DCLK3: variants seen among roughly 807,000 people sequenced by gnomAD.
The protein encoded by DCLK3 is doublecortin like kinase 3.
Under a neutral mutation model 46.4 loss-of-function variants are expected in DCLK3, and 30 were observed. The ratio of observed to expected loss-of-function variants is 0.65; its 90% CI spans 0.48 to 0.88. The LOEUF (loss-of-function observed/expected upper bound fraction) is 0.88. DCLK3 is among the 40% of genes least tolerant of loss of function. The probability of loss-of-function intolerance (pLI) is 0.00; values close to 1 mark genes in which losing one functional copy is unlikely to be tolerated. For synonymous variants in DCLK3, 401 were observed against 339.2 expected (o/e 1.18, Z -2.00); for missense variants, 846 against 907.1 (o/e 0.93, Z 0.87).
At chr3:36,756,820 A>G (rs1286728327) in intron 1 of DCLK3, among the ~76,000 whole-genome samples, 1 of 151,884 alleles carries the variant, frequency 6.6e-6, no homozygotes, top group African/African-American at 2.4e-5. Context: ...ACATGGTGCC[A>G]TCCTCAAGTG....
At chr3:36,750,895 A>G (rs1701434641) in intron 1 of DCLK3, among the ~76,000 whole-genome samples, 1 of 152,218 alleles carries the variant, frequency 6.6e-6, no homozygotes, top group East Asian at 1.9e-4. Flanking sequence ...AGCAGCACTC[A>G]GAGGCGTCAA....
chr3:36,734,204 C>A (rs557724974), intron 2 of DCLK3, among the ~76,000 whole-genome samples: 1 of 152,318 alleles, frequency 6.6e-6, no homozygotes, highest in Admixed American at 6.5e-5. Flanking sequence ...AGAGATAACA[C>A]CTTGCTAAAC....
intron 1 of DCLK3, among the ~76,000 whole-genome samples, chr3:36,754,025 A>G (rs557540633): frequency 6.6e-6 from 1 of 152,212 alleles, no homozygotes; most frequent in South Asian, 2.1e-4. Context: ...TCTTTCATTC[A>G]TGTTACAGAA....
intron 1 of DCLK3, among the ~76,000 whole-genome samples, chr3:36,760,265 G>A (rs1353162571): frequency 6.6e-6 from 1 of 152,216 alleles, no homozygotes; most frequent in Non-Finnish European, 1.5e-5. Context: ...ACCCAAGAGG[G>A]AGTAGCCTAG....
rs1300492320 is a variant in DCLK3 at position 36,755,921 on chromosome 3, G to A, written c.82+8261C>T. On this transcript the variant is annotated intron_variant, in intron 1 of 4. Transcript: ENST00000636136. Reference sequence around the variant, plus strand: ...CTCCAAGGTGGCCCCAGCAGCAGACGAGAAAGACAATAGTGGTATCCTGGC... The same window carrying A: ...CTCCAAGGTGGCCCCAGCAGCAGACAAGAAAGACAATAGTGGTATCCTGGC... Among the ~76,000 whole-genome samples the A allele has an allele frequency of 3.3e-5, 5 of 152,184 alleles. No homozygotes were observed. The East Asian group carries it at 5.8e-4, about 18-fold the overall frequency.
chr3:36,723,169 C>T (rs1701082916), intron 2 of DCLK3, among the ~76,000 whole-genome samples: 2 of 152,184 alleles, frequency 1.3e-5, no homozygotes, highest in African/African-American at 4.8e-5. Context: ...AGACTGGTGG[C>T]ATTTTGCCCC....
Position 36,721,670 on chromosome 3 carries a change from C to A in DCLK3, c.1960-11G>T, listed in dbSNP as rs771178361. ...CTCATTTCGCTGAACCTGTAAGAAA[C>A]CAAAATCCCCAAACCACCAAAATTG... On this transcript the variant is annotated splice_polypyrimidine_tract_variant and intron_variant, in intron 2 of 4. Transcript: ENST00000636136. The A allele has an allele frequency of 2.5e-6, 4 of 1,613,738 alleles. No individual in the cohort carries two copies. Among genetic ancestry groups the A allele is most frequent in the Non-Finnish European group, 3.4e-6 (4 of 1,179,938 alleles).
At chr3:36,749,676 G>A (rs1343867541) in intron 1 of DCLK3, among the ~76,000 whole-genome samples, 1 of 152,176 alleles carries the variant, frequency 6.6e-6, no homozygotes, top group African/African-American at 2.4e-5. Context: ...TGAGATCTGA[G>A]GTGGAAACTT....
Position 36,737,059 on chromosome 3 carries a change from A to G in DCLK3, c.1959+149T>C. 3 of 1,161,894 alleles carry G rather than the reference A, an allele frequency of 2.6e-6. No individual in the cohort carries two copies. The highest frequency in any genetic ancestry group is 3.5e-6 in the Non-Finnish European group (3 of 845,136). The allele number at this position is 1,161,894 out of a possible 1,614,324, so 72.0% of individuals were successfully genotyped here. ...TCTCAGCAACTTATGACCTATAACC[A>G]TAGTTTTAAATACTGGAACAAGTAT... On this transcript the variant is annotated intron_variant, in intron 2 of 4. Transcript: ENST00000636136. The surrounding 1 kb of genome is among the most constrained non-coding windows in gnomAD (Gnocchi z 4.4).
At chr3:36,725,244 G>A (rs567687056) in intron 2 of DCLK3, among the ~76,000 whole-genome samples, 13 of 151,968 alleles carry the variant, frequency 8.6e-5, no homozygotes, top group South Asian at 2.1e-4. Flanking sequence ...CCCAGGAGGC[G>A]GAGCTTGAAG....
chr3:36,715,393 C>G lies in DCLK3; in HGVS notation c.2389G>C (p.Val797Leu), dbSNP rs199999022. The change falls in exon 5 of 5, where the codon GTG becomes CTG. Residue 797 changes from valine to leucine, a missense_variant. By Grantham distance (32) the Val-to-Leu change is conservative (BLOSUM62 1). Around this residue, in one of 3 missense-constraint regions of DCLK3, gnomAD observed 46 missense variants for 41.3 expected, o/e 1.11. Transcript: ENST00000636136. ...AAGTGACCCTCGCTGCTGGGGGACA[C>G]CTGCTTCTGTCGTTTCACTGTATTG... ...KTNTVKRQKQ[V>L]SPSSEGHFRS... is the part of the protein sequence containing the mutation. 9.5e-5 allele frequency: 154 copies of G among 1,614,178 alleles called. No homozygotes were observed. The African/African-American group carries it at 1.9e-3, about 20-fold the overall frequency.
intron 1 of DCLK3, among the ~76,000 whole-genome samples, chr3:36,745,366 T>A (rs1701384597): frequency 6.6e-6 from 1 of 152,118 alleles, no homozygotes; most frequent in Admixed American, 6.5e-5. Context: ...ACAAGAAAAA[T>A]AATGACAGAT....
intron 2 of DCLK3, among the ~76,000 whole-genome samples, chr3:36,726,750 G>C (rs1375960443): frequency 2.6e-5 from 4 of 152,160 alleles, no homozygotes; most frequent in Non-Finnish European, 4.4e-5. Flanking sequence ...CAAATGGAAA[G>C]TCATAAATTT....
At chr3:36,763,174 G>T (rs140255151) in intron 1 of DCLK3, among the ~76,000 whole-genome samples, 4 of 152,332 alleles carry the variant, frequency 2.6e-5, no homozygotes, top group Non-Finnish European at 5.9e-5. Flanking sequence ...CAATGATGAA[G>T]GTGGGACCCT....
At chr3:36,718,645 TA>T (rs1268438358) in intron 3 of DCLK3, among the ~76,000 whole-genome samples, 1 of 152,218 alleles carries the variant, frequency 6.6e-6, no homozygotes, top group Non-Finnish European at 1.5e-5. Flanking sequence ...CTGGAAACTT[TA>T]AAACTTGACC....
chr3:36,716,122 A>C (rs1346139229), intron 4 of DCLK3, among the ~76,000 whole-genome samples: 9 of 152,148 alleles, frequency 5.9e-5, no homozygotes, highest in Non-Finnish European at 1.3e-4. Context: ...TCTGCCCAAG[A>C]CCATGACTGA....
At chr3:36,758,283 T>A (rs1355993920) in intron 1 of DCLK3, among the ~76,000 whole-genome samples, 1 of 152,242 alleles carries the variant, frequency 6.6e-6, no homozygotes, top group Non-Finnish European at 1.5e-5. Context: ...AATGGCCATG[T>A]TATGACTAAG....
At chr3:36,742,373 A>C (rs1701352429) in intron 1 of DCLK3, among the ~76,000 whole-genome samples, 1 of 152,144 alleles carries the variant, frequency 6.6e-6, no homozygotes, top group South Asian at 2.1e-4. Context: ...TGGTTAGGAG[A>C]ACAATCTGGG....
chr3:36,758,223 C>G (rs1321357609), intron 1 of DCLK3, among the ~76,000 whole-genome samples: 1 of 152,188 alleles, frequency 6.6e-6, no homozygotes, highest in Non-Finnish European at 1.5e-5. Flanking sequence ...TTTTCACTTT[C>G]ATGATCACCT....
Sources: allele counts gnomAD v4.1 joint callset (sites outside exome capture counted in the v4.1 genomes callset), GRCh38; gene constraint gnomAD v4.1.1; regional missense constraint gnomAD v4.1.1; non-coding constraint Gnocchi (gnomAD v3.1); transcripts MANE v1.5; gene names NCBI Gene and HGNC (gene_info 2026-07-23, HGNC 2026-07-21).